The following LINS1 variants were observed in gnomAD, a reference collection of about 807,000 sequenced individuals.
LINS1 encodes the protein lines homolog 1.
Under a neutral mutation model 41.6 loss-of-function variants are expected in LINS1, and 27 were observed. The observed-to-expected ratio is 0.65, with a 90% CI of 0.48 to 0.89. The LOEUF is 0.89. Ranked by LOEUF, LINS1 falls within the 40% of genes least tolerant of loss-of-function variation. LINS1 has a pLI of 0.00. For missense variants in LINS1, 955 were observed against 884.1 expected, an observed-to-expected ratio of 1.08 and a Z score of -1.02; for synonymous variants, 336 against 312.9, an observed-to-expected ratio of 1.07 and a Z score of -0.78.
chr15:100,569,622 G>A lies in LINS1; in HGVS notation c.1890C>T (p.Asp630=). 2 of 1,613,306 alleles carry A rather than the reference G, an allele frequency of 1.2e-6. No individual in the cohort carries two copies. The highest frequency in any genetic ancestry group is 1.7e-4 in the Middle Eastern group (1 of 6,060). ...ATTCCACGTCAGAATCGTCAGAGCTGTCGTAATCTACCAGACTTTGAGAGG... is the reference window on the plus strand; with the variant it reads ...ATTCCACGTCAGAATCGTCAGAGCTATCGTAATCTACCAGACTTTGAGAGG... ...PRASQSLVDY[D]SSDDSDVEST... is the part of the protein sequence containing the mutation. Residue 630 remains aspartate, a synonymous_variant, in exon 7 of 7, where the codon GAC becomes GAT. Coordinates refer to ENST00000314742, the MANE Select transcript of LINS1 (RefSeq NM_001040616.3).
intron 1 of LINS1, among the ~76,000 whole-genome samples, chr15:100,593,025 A>T (rs763738946): frequency 1.2e-4 from 18 of 152,088 alleles, no homozygotes; most frequent in Non-Finnish European, 2.4e-4. Flanking sequence ...ACTGACCACA[A>T]TTTTTTCTGA....
chr15:100,576,520 G>A (rs1376791973), intron 3 of LINS1: 1 of 152,202 alleles, frequency 6.6e-6, no homozygotes, highest in African/African-American at 2.4e-5. Context: ...CTCTTAAATT[G>A]AGGCAATAAT....
At chr15:100,577,896 C>A (rs912941385) in intron 3 of LINS1, among the ~76,000 whole-genome samples, 4 of 152,304 alleles carry the variant, frequency 2.6e-5, no homozygotes, top group African/African-American at 9.6e-5. Context: ...TGATCTTTGA[C>A]AACCCTGACA....
At position 100,568,271 on chromosome 15, in the gene LINS1, T is replaced by C. The variant is rs2141256205; in HGVS notation, c.*967A>G. 1 of 152,240 alleles carries C rather than the reference T, an allele frequency of 6.6e-6. No individual in the cohort carries two copies. The highest frequency in any genetic ancestry group is 1.9e-4 in the East Asian group (1 of 5,188). The allele number at this position is 152,240 out of a possible 1,614,324, so 9.4% of individuals were successfully genotyped here. On this transcript the variant is annotated 3_prime_UTR_variant, in exon 7 of 7. Coordinates refer to ENST00000314742, the MANE Select transcript of LINS1 (RefSeq NM_001040616.3). ...TCTGTGTAAATACCCCAGAAGGAAA[T>C]AGTAACTGTATTTGGTTAGTGACTC... is the stretch of plus-strand genomic sequence containing the variant.
rs1459420813 is a variant in LINS1, at chr15:100,577,706, G to A, written c.489+2557C>T. 2.6e-5 allele frequency among the ~76,000 whole-genome samples: 4 copies of A among 152,244 alleles called. No individual in the cohort carries two copies. The South Asian group carries it at 6.2e-4, about 24-fold the overall frequency. On this transcript the variant is annotated intron_variant, in intron 3 of 6. Transcript: ENST00000314742. Reference sequence around the variant, plus strand: ...TTCATATGGAACCAAAAAAGAGCCTGCATTGCCAAGTCAATCCTAAGCCAA... The same window carrying A: ...TTCATATGGAACCAAAAAAGAGCCTACATTGCCAAGTCAATCCTAAGCCAA...
chr15:100,594,671 T>A (rs964981783), intron 1 of LINS1, among the ~76,000 whole-genome samples: 2 of 152,222 alleles, frequency 1.3e-5, no homozygotes, highest in Non-Finnish European at 2.9e-5. Context: ...ATGTAAATAT[T>A]TGTTACACTG....
chr15:100,592,580 T>G (rs762279918), intron 1 of LINS1, among the ~76,000 whole-genome samples: 1 of 152,188 alleles, frequency 6.6e-6, no homozygotes, highest in African/African-American at 2.4e-5. Flanking sequence ...GTGTGAAAAG[T>G]GTTTATTATA....
chr15:100,579,330 G>T (rs893949077), intron 3 of LINS1, among the ~76,000 whole-genome samples: 1 of 151,252 alleles, frequency 6.6e-6, no homozygotes, highest in African/African-American at 2.4e-5. Context: ...ATTACTACTG[G>T]ATTCTAAGTT....
rs2037622026 is a variant in LINS1, at chr15:100,568,154, T to A, written c.*1084A>T. On this transcript the variant is annotated 3_prime_UTR_variant, in exon 7 of 7. Transcript: ENST00000314742. ...AAATAGGAAAATTAGTGATTAAATTTTTTTTTAGAAAGAATCATGTTCATA... is the reference window on the plus strand; with the variant it reads ...AAATAGGAAAATTAGTGATTAAATTATTTTTTAGAAAGAATCATGTTCATA... The A allele has an allele frequency of 6.7e-6, 1 of 148,882 alleles. No individual in the cohort carries two copies. Among genetic ancestry groups the A allele is most frequent in the African/African-American group, 2.4e-5 (1 of 40,876 alleles). 9.2% of individuals were successfully genotyped at this position (148,882 alleles called of 1,614,324 possible).
At chr15:100,584,085 T>C (rs2038689687) in intron 1 of LINS1, among the ~76,000 whole-genome samples, 1 of 152,154 alleles carries the variant, frequency 6.6e-6, no homozygotes, top group Non-Finnish European at 1.5e-5. Context: ...CATCAGAAAT[T>C]AGTCTTCATG....
intron 1 of LINS1, among the ~76,000 whole-genome samples, chr15:100,595,071 G>C (rs2039189244): frequency 6.6e-6 from 1 of 152,004 alleles, no homozygotes; most frequent in Non-Finnish European, 1.5e-5. Flanking sequence ...CCCTAAATGG[G>C]TCATGGCTGT....
intron 1 of LINS1, among the ~76,000 whole-genome samples, chr15:100,593,230 A>G (rs1343098538): frequency 1.3e-5 from 2 of 152,292 alleles, no homozygotes; most frequent in Non-Finnish European, 2.9e-5. Flanking sequence ...GAAACAAACA[A>G]TTGGGGCAGT....
chr15:100,576,739 C>A (rs1352419915), intron 3 of LINS1: 1 of 152,198 alleles, frequency 6.6e-6, no homozygotes, highest in African/African-American at 2.4e-5. Context: ...AATTTTAGAC[C>A]AATATCCCTG....
At position 100,569,474 on chromosome 15, in the gene LINS1, T is replaced by C. The variant is rs2037684228; in HGVS notation, c.2038A>G (p.Arg680Gly). The C allele has an allele frequency of 6.2e-7, 1 of 1,614,222 alleles. No homozygotes were observed. Among genetic ancestry groups the C allele is most frequent in the Non-Finnish European group, 8.5e-7 (1 of 1,180,034 alleles). ...KKEFSLEPPS[R>G]PLVLKEFDTA... ...TCAAATTCTTTCAGAACCAGAGGCC[T>C]TGATGGAGGCTCAAGGCTAAATTCT... Residue 680 changes from arginine to glycine, a missense_variant, in exon 7 of 7, where the codon AGG (arginine) becomes GGG (glycine). Coordinates refer to ENST00000314742, the MANE Select transcript of LINS1 (RefSeq NM_001040616.3).
At position 100,571,990 on chromosome 15, in the gene LINS1, T is replaced by G. The variant is rs756749166; in HGVS notation, c.1298A>C (p.Asn433Thr). The change falls in exon 6 of 7, where the codon AAT (asparagine) becomes ACT (threonine). Residue 433 changes from asparagine to threonine, a missense_variant. Transcript: ENST00000314742. The part of the protein sequence containing the change: ...PHLQPSLQLH[N>T]PCKWLSRVFI... The stretch of plus-strand genomic sequence containing the variant: ...AACCCGAGACAGCCATTTGCACGGA[T>G]TGTGTAATTGCAGAGAGGGCTGAAG... 1 of 1,614,144 alleles carries G rather than the reference T, an allele frequency of 6.2e-7. No individual in the cohort carries two copies. Among genetic ancestry groups the G allele is most frequent in the Non-Finnish European group, 8.5e-7 (1 of 1,180,024 alleles).
At chr15:100,575,241 C>T (rs2038095982) in intron 3 of LINS1, 113 bp from the exon 4 acceptor site, 2 of 891,158 alleles carry the variant, frequency 2.2e-6, no homozygotes, top group Middle Eastern at 3.3e-4. Flanking sequence ...TAATATGTGG[C>T]ACACCGAGAA....
intron 1 of LINS1, among the ~76,000 whole-genome samples, chr15:100,586,748 C>G (rs919922159): frequency 6.6e-6 from 1 of 152,036 alleles, no homozygotes; most frequent in East Asian, 1.9e-4. Flanking sequence ...AGCGGATAAA[C>G]ATGTGGAAAA....
At chr15:100,575,622 G>T (rs1356363571) in intron 3 of LINS1, among the ~76,000 whole-genome samples, 14 of 152,172 alleles carry the variant, frequency 9.2e-5, no homozygotes, top group African/African-American at 2.9e-4. Flanking sequence ...CAACGAGACA[G>T]AAAGTTAACA....
intron 1 of LINS1, among the ~76,000 whole-genome samples, chr15:100,584,178 C>G (rs1016373432): frequency 6.6e-6 from 1 of 152,096 alleles, no homozygotes; most frequent in African/African-American, 2.4e-5. Context: ...CACTATAAAA[C>G]AGAATATTTT....
Sources: allele counts gnomAD v4.1 joint callset (sites outside exome capture counted in the v4.1 genomes callset), GRCh38; gene constraint gnomAD v4.1.1; transcripts MANE v1.5; gene names NCBI Gene and HGNC (gene_info 2026-07-23, HGNC 2026-07-21).